SYT9: variants seen among roughly 807,000 people sequenced by gnomAD.
SYT9 encodes the protein synaptotagmin 9.
SYT9 carries 22 observed loss-of-function variants against 48.4 expected under a neutral mutation model. The ratio of observed to expected loss-of-function variants is 0.45; its 90% confidence interval spans 0.32 to 0.65. SYT9 has a LOEUF of 0.65. Ranked by LOEUF, SYT9 falls within the 30% of genes least tolerant of loss-of-function variation. The pLI is 0.03. For missense variants in SYT9, 577 were observed against 622.0 expected, an observed-to-expected ratio of 0.93 and a Z score of 0.77; for synonymous variants, 265 against 245.0, an observed-to-expected ratio of 1.08 and a Z score of -0.76.
intron 6 of SYT9, among the ~76,000 whole-genome samples, chr11:7,433,493 C>T (rs1301978256): frequency 2.0e-5 from 3 of 152,168 alleles, no homozygotes; most frequent in East Asian, 3.8e-4. Context: ...TCCACATCTG[C>T]GTGTGCTTTT....
intron 2 of SYT9, among the ~76,000 whole-genome samples, chr11:7,309,643 C>T (rs1402779055): frequency 2.6e-5 from 4 of 152,158 alleles, no homozygotes; most frequent in Non-Finnish European, 4.4e-5. Flanking sequence ...TTGCTTTGGG[C>T]TTGCGTTTTC....
intron 3 of SYT9, among the ~76,000 whole-genome samples, chr11:7,382,661 T>A (rs7951496): frequency 0.86 from 130,294 of 152,262 alleles, 56,149 homozygotes; most frequent in Non-Finnish European, 0.91. Flanking sequence ...AGATCAGATA[T>A]GATGGCGATG....
chr11:7,411,643 A>G (rs1005857909), intron 3 of SYT9, among the ~76,000 whole-genome samples: 17 of 152,098 alleles, frequency 1.1e-4, no homozygotes, highest in Admixed American at 7.9e-4. Context: ...CTGTTGTTGG[A>G]ATCCCCTCTT....
At chr11:7,406,809 C>A (rs1388817972) in intron 3 of SYT9, among the ~76,000 whole-genome samples, 1 of 152,012 alleles carries the variant, frequency 6.6e-6, no homozygotes, top group African/African-American at 2.4e-5. Context: ...TACATTCACA[C>A]CAACAGTATA....
intron 3 of SYT9, among the ~76,000 whole-genome samples, chr11:7,332,618 G>A (rs1849559742): frequency 6.6e-6 from 1 of 152,212 alleles, no homozygotes; most frequent in Non-Finnish European, 1.5e-5. Context: ...TCCTTTCCTA[G>A]GTGAGAGTTG....
Position 7,436,161 on chromosome 11 carries a change from C to T in SYT9, c.1467+15526C>T, listed in dbSNP as rs955772813. On this transcript the variant is annotated intron_variant, in intron 6 of 6. Transcript: ENST00000318881. The stretch of plus-strand genomic sequence containing the variant: ...GACTGAGCCCTTCCACCATCACTAT[C>T]CACTCCATGCTAAGAGAACATTAGG... 3.3e-5 allele frequency among the ~76,000 whole-genome samples: 5 copies of T among 152,190 alleles called. No homozygotes were observed. The East Asian group carries it at 7.7e-4, about 23-fold the overall frequency.
intron 6 of SYT9, among the ~76,000 whole-genome samples, chr11:7,442,132 G>T (rs1847839525): frequency 6.6e-6 from 1 of 151,992 alleles, no homozygotes; most frequent in South Asian, 2.1e-4. Context: ...CTCCAGATAA[G>T]AGATGATCCC....
At chr11:7,259,371 C>T (rs1485058381) in intron 1 of SYT9, among the ~76,000 whole-genome samples, 1 of 151,910 alleles carries the variant, frequency 6.6e-6, no homozygotes, top group Non-Finnish European at 1.5e-5. Flanking sequence ...TCTTTTGAGG[C>T]TATTCTAGCT....
intron 1 of SYT9, among the ~76,000 whole-genome samples, chr11:7,280,780 A>G (rs1589910221): frequency 7.2e-6 from 1 of 139,326 alleles, no homozygotes; most frequent in South Asian, 2.3e-4. Context: ...TGTAAGTAAG[A>G]TACTATAGAC....
intron 6 of SYT9, among the ~76,000 whole-genome samples, chr11:7,464,239 G>C (rs2134161332): frequency 6.6e-6 from 1 of 152,306 alleles, no homozygotes; most frequent in East Asian, 1.9e-4. Context: ...TAAGCAGCTA[G>C]GAAACCATAA....
At chr11:7,417,824 T>C (rs903194411) in intron 4 of SYT9, 133 bp from the exon 5 acceptor site, 1 of 803,462 alleles carries the variant, frequency 1.2e-6, no homozygotes, top group Non-Finnish European at 1.9e-6. Flanking sequence ...TTAATGACAG[T>C]CCTCCAACTC....
intron 3 of SYT9, among the ~76,000 whole-genome samples, chr11:7,396,330 G>A (rs1363163725): frequency 1.3e-5 from 2 of 152,092 alleles, no homozygotes; most frequent in Non-Finnish European, 2.9e-5. Context: ...TACGAGTGAT[G>A]TATGATGTGT....
chr11:7,250,601 G>T (rs1847851619), upstream of SYT9, among the ~76,000 whole-genome samples: 1 of 151,974 alleles, frequency 6.6e-6, no homozygotes, highest in Non-Finnish European at 1.5e-5. Context: ...CCCTCTGTTT[G>T]TCTCTTTGCA....
chr11:7,402,211 T>G (rs1412672438), intron 3 of SYT9, among the ~76,000 whole-genome samples: 2 of 152,014 alleles, frequency 1.3e-5, no homozygotes, highest in Non-Finnish European at 2.9e-5. Flanking sequence ...CATTATAATG[T>G]TAGTCTTCTT....
At chr11:7,408,557 CTTAG>C (rs1392797955) in intron 3 of SYT9, among the ~76,000 whole-genome samples, 4 of 152,186 alleles carry the variant, frequency 2.6e-5, no homozygotes, top group Non-Finnish European at 1.5e-5. Context: ...CTTTCAACGC[CTTAG>C]TTAAATTTGT....
At chr11:7,444,436 C>T (rs898086305) in intron 6 of SYT9, 21 of 152,118 alleles carry the variant, frequency 1.4e-4, no homozygotes, top group African/African-American at 4.8e-4. Flanking sequence ...TAATTTTGGC[C>T]TCAGACAGTA....
At chr11:7,240,642 T>G (rs928891058) in intron 1 of SYT9, among the ~76,000 whole-genome samples, 1 of 152,236 alleles carries the variant, frequency 6.6e-6, no homozygotes, top group African/African-American at 2.4e-5. Context: ...AATAACATTA[T>G]ATTGCTTTAA....
In SYT9 at chr11:7,415,815, C is replaced by T. The variant is rs61888612; in HGVS notation, c.1045-227C>T. 5.8e-3 allele frequency among the ~76,000 whole-genome samples: 885 copies of T among 152,288 alleles called. 3 individuals are homozygous for T. The highest frequency in any genetic ancestry group is 7.4e-3 in the Non-Finnish European group (506 of 68,012). Reference sequence around the variant, plus strand: ...GGTGGCAGAGGCCTGAACAGGGTTACAGCTTTGCCATCCAAAGATAGGCTG... The same window carrying T: ...GGTGGCAGAGGCCTGAACAGGGTTATAGCTTTGCCATCCAAAGATAGGCTG... On this transcript the variant is annotated intron_variant, in intron 3 of 6. Coordinates refer to ENST00000318881, the MANE Select transcript of SYT9 (RefSeq NM_175733.4).
chr11:7,465,688 A>AT (rs1285782986), intron 6 of SYT9: 2 of 155,176 alleles, frequency 1.3e-5, no homozygotes, highest in African/African-American at 4.8e-5. Context: ...GTATTAGTCC[A>AT]TTTTCACGCT....
Sources: gnomAD v4.1 joint callset for allele counts (sites outside exome capture counted in the v4.1 genomes callset) on GRCh38, gnomAD v4.1.1 for gene constraint, MANE v1.5 for transcripts, NCBI Gene and HGNC (gene_info 2026-07-23, HGNC 2026-07-21) for gene names.